The following SYT14 variants were observed in gnomAD, a reference collection of about 807,000 sequenced individuals.
SYT14 encodes synaptotagmin-14.
Under a neutral mutation model 74.2 loss-of-function variants are expected in SYT14, and 32 were observed. That is an observed-to-expected ratio of 0.43 (90% CI 0.33 to 0.58). The LOEUF is 0.58. Ranked by LOEUF, SYT14 falls within the 20% of genes least tolerant of loss-of-function variation. SYT14 has a pLI of 0.05. For missense variants in SYT14, 791 were observed against 981.8 expected (o/e 0.81, Z 2.60); for synonymous variants, 298 against 337.7 (o/e 0.88, Z 1.29).
chr1:210,082,382 A>G (rs1346690119), intron 5 of SYT14, among the ~76,000 whole-genome samples: 1 of 152,182 alleles, frequency 6.6e-6, no homozygotes, highest in East Asian at 1.9e-4. Flanking sequence ...AATTCTATCC[A>G]CCGAGGTTTT....
intron 6 of SYT14, among the ~76,000 whole-genome samples, chr1:210,096,595 T>A (rs1207931386): frequency 6.6e-6 from 1 of 152,208 alleles, no homozygotes; most frequent in African/African-American, 2.4e-5. Flanking sequence ...CTATTTATGA[T>A]GTAACAAGGA....
intron 2 of SYT14, among the ~76,000 whole-genome samples, chr1:209,982,182 G>T (rs1572108087): frequency 1.3e-5 from 2 of 151,816 alleles, no homozygotes; most frequent in South Asian, 4.2e-4. Flanking sequence ...TTTAAATAGG[G>T]TCTCACTCTG....
intron 2 of SYT14, among the ~76,000 whole-genome samples, chr1:210,008,765 A>G (rs1210358363): frequency 1.3e-5 from 2 of 152,196 alleles, no homozygotes; most frequent in African/African-American, 2.4e-5. Flanking sequence ...AGGTATAGGT[A>G]TAGATAAATT....
chr1:209,944,591 A>G (rs1311366835), intron 1 of SYT14, among the ~76,000 whole-genome samples: 2 of 152,204 alleles, frequency 1.3e-5, no homozygotes, highest in Non-Finnish European at 2.9e-5. Flanking sequence ...TATTTAGTAG[A>G]AATATCATAG....
intron 2 of SYT14, among the ~76,000 whole-genome samples, chr1:209,953,723 A>T (rs1371441806): frequency 6.6e-6 from 1 of 152,192 alleles, no homozygotes; most frequent in Non-Finnish European, 1.5e-5. Flanking sequence ...TATTGTTGAC[A>T]TGGTCATACT....
chr1:210,127,811 A>G (rs1168155234), intron 7 of SYT14, among the ~76,000 whole-genome samples: 1 of 152,010 alleles, frequency 6.6e-6, no homozygotes, highest in Non-Finnish European at 1.5e-5. Context: ...GGATCACCTG[A>G]GGTCAGTAGT....
intron 5 of SYT14, among the ~76,000 whole-genome samples, chr1:210,023,545 T>C (rs2080346450): frequency 6.6e-6 from 1 of 152,094 alleles, no homozygotes; most frequent in Non-Finnish European, 1.5e-5. Flanking sequence ...GGCTTCACCA[T>C]ATTGGCCAGG....
chr1:210,159,335 T>C, intron 8 of SYT14, 86 bp from the exon 8 acceptor site: 1 of 1,315,764 alleles, frequency 7.6e-7, no homozygotes, highest in Non-Finnish European at 1.1e-6. Context: ...GTGTTTCCTC[T>C]TTAATTCTAA....
chr1:210,132,599 G>GTT (rs1052529516), intron 7 of SYT14, among the ~76,000 whole-genome samples: 24 of 151,760 alleles, frequency 1.6e-4, no homozygotes, highest in African/African-American at 5.8e-4. Context: ...GTGTGTGTGT[G>GTT]TGTGTAGCCA....
chr1:210,053,137 T>C (rs1252914323), intron 5 of SYT14, among the ~76,000 whole-genome samples: 1 of 152,226 alleles, frequency 6.6e-6, no homozygotes, highest in Non-Finnish European at 1.5e-5. Flanking sequence ...AATTTAACTT[T>C]TTATGTTCAT....
chr1:210,057,197 AG>A (rs1349496556), intron 5 of SYT14, among the ~76,000 whole-genome samples: 11 of 152,302 alleles, frequency 7.2e-5, no homozygotes, highest in African/African-American at 2.6e-4. Context: ...CCCAAACATG[AG>A]GTAGTATAAA....
intron 7 of SYT14, among the ~76,000 whole-genome samples, chr1:210,150,265 G>C (rs1345083687): frequency 6.6e-6 from 1 of 152,166 alleles, no homozygotes; most frequent in Non-Finnish European, 1.5e-5. Flanking sequence ...GTTGAGGCCT[G>C]GATCAATGAG....
At chr1:209,938,674 C>T (rs1016979010) in intron 1 of SYT14, among the ~76,000 whole-genome samples, 3 of 152,136 alleles carry the variant, frequency 2.0e-5, no homozygotes, top group African/African-American at 7.2e-5. Flanking sequence ...GCTGCCCTTT[C>T]TTTTCTTTCC....
At chr1:209,960,664 A>G (rs565964304) in intron 2 of SYT14, among the ~76,000 whole-genome samples, 1 of 152,292 alleles carries the variant, frequency 6.6e-6, no homozygotes. Context: ...CCTTTCAAAT[A>G]TGATCCGAAA....
At chr1:210,158,764 G>A (rs17260383) in intron 8 of SYT14, among the ~76,000 whole-genome samples, 18,331 of 152,124 alleles carry the variant, frequency 0.12, 1,471 homozygotes, top group South Asian at 0.23. Context: ...GTAAGTATAA[G>A]TCAATTTAAT....
chr1:210,014,114 G>A (rs2080139289), intron 3 of SYT14, among the ~76,000 whole-genome samples: 1 of 152,106 alleles, frequency 6.6e-6, no homozygotes, highest in Admixed American at 6.5e-5. Flanking sequence ...TTTGTGTAGT[G>A]TACTTCCATT....
chr1:210,150,571 G>C (rs1444543439), intron 7 of SYT14, among the ~76,000 whole-genome samples: 1 of 152,182 alleles, frequency 6.6e-6, no homozygotes, highest in Admixed American at 6.5e-5. Context: ...ATTAGCGGCA[G>C]CTCTAACTTT....
intron 4 of SYT14, among the ~76,000 whole-genome samples, chr1:210,018,119 T>G (rs1324839985): frequency 6.6e-6 from 1 of 152,164 alleles, no homozygotes; most frequent in Non-Finnish European, 1.5e-5. Flanking sequence ...CATTTTGGAG[T>G]CTATTTTTCT....
chr1:210,100,549 A>T, intron 7 of SYT14, 88 bp downstream of exon 6: 1 of 1,309,570 alleles, frequency 7.6e-7, no homozygotes, highest in South Asian at 1.2e-5. Flanking sequence ...CAAGCCAACA[A>T]GTTTGTCAGT....
Sources: allele counts gnomAD v4.1 joint callset (sites outside exome capture counted in the v4.1 genomes callset), GRCh38; gene constraint gnomAD v4.1.1; transcripts MANE v1.5; gene names NCBI Gene and HGNC (gene_info 2026-07-23, HGNC 2026-07-21).